Variants in NPAS3 observed in about 807,000 individuals in gnomAD.
NPAS3 encodes the protein neuronal PAS domain protein 3, also known as neuronal PAS domain-containing protein 3.
In NPAS3, 14 loss-of-function variants were observed where a neutral mutation model predicts 73.1. That is an observed-to-expected ratio of 0.19 (90% CI 0.13 to 0.30). The LOEUF is 0.30. Ranked by LOEUF, NPAS3 falls within the 10% of genes least tolerant of loss-of-function variation. NPAS3 has a pLI of 1.00. For missense variants in NPAS3, 1,096 were observed against 1,250.0 expected (o/e 0.88, Z 1.86); for synonymous variants, 620 against 541.5 (o/e 1.14, Z -2.01).
At chr14:33,187,716 A>G (rs958304347) in intron 2 of NPAS3, among the ~76,000 whole-genome samples, 1 of 152,126 alleles carries the variant, frequency 6.6e-6, no homozygotes, top group African/African-American at 2.4e-5. Flanking sequence ...AAGGGAAGGA[A>G]TGAATATTTT....
chr14:33,439,889 G>C (rs988654863), intron 4 of NPAS3, among the ~76,000 whole-genome samples: 2 of 152,170 alleles, frequency 1.3e-5, no homozygotes, highest in Admixed American at 6.5e-5. Flanking sequence ...GCCGAGGCGG[G>C]TGCATCACGA....
chr14:32,956,997 T>C (rs2139187593), intron 1 of NPAS3, among the ~76,000 whole-genome samples: 1 of 152,314 alleles, frequency 6.6e-6, no homozygotes, highest in East Asian at 1.9e-4. Context: ...CAAACCAATA[T>C]AACCATGAAT....
At chr14:33,274,870 A>C (rs2041257139) in intron 3 of NPAS3, among the ~76,000 whole-genome samples, 1 of 152,164 alleles carries the variant, frequency 6.6e-6, no homozygotes. Flanking sequence ...AAAGGGCTAC[A>C]TTTTTATATA....
intron 3 of NPAS3, among the ~76,000 whole-genome samples, chr14:33,263,541 A>C (rs1389943569): frequency 6.6e-6 from 1 of 152,172 alleles, no homozygotes; most frequent in Non-Finnish European, 1.5e-5. Context: ...TATAGTTTGA[A>C]GTCAGGTAGC....
chr14:32,977,797 G>A (rs990276124), intron 1 of NPAS3, among the ~76,000 whole-genome samples: 6 of 152,242 alleles, frequency 3.9e-5, no homozygotes, highest in African/African-American at 1.4e-4. Flanking sequence ...TAATATTTTA[G>A]TAGCCACATA....
intron 2 of NPAS3, among the ~76,000 whole-genome samples, chr14:33,143,818 AT>A (rs1170564276): frequency 2.6e-5 from 4 of 152,142 alleles, no homozygotes; most frequent in Non-Finnish European, 5.9e-5. Flanking sequence ...ATCATATAAT[AT>A]GTGGCCTTTT....
intron 7 of NPAS3, among the ~76,000 whole-genome samples, chr14:33,764,586 C>T (rs1271595536): frequency 6.6e-6 from 1 of 152,108 alleles, no homozygotes; most frequent in Non-Finnish European, 1.5e-5. Flanking sequence ...GGGACTAGTT[C>T]TGAGTCTTTT....
intron 4 of NPAS3, among the ~76,000 whole-genome samples, chr14:33,394,930 G>A (rs767482202): frequency 1.3e-5 from 2 of 152,064 alleles, no homozygotes; most frequent in Non-Finnish European, 2.9e-5. Flanking sequence ...GAGTGGAGGA[G>A]GAAAACAAAC....
intron 4 of NPAS3, among the ~76,000 whole-genome samples, chr14:33,545,410 C>A (rs536245176): frequency 6.6e-6 from 1 of 152,278 alleles, no homozygotes; most frequent in African/African-American, 2.4e-5. Context: ...TACGATGACA[C>A]TTTTACGTGT....
chr14:33,354,840 G>T (rs894363239), intron 3 of NPAS3, among the ~76,000 whole-genome samples: 15 of 152,054 alleles, frequency 9.9e-5, no homozygotes, highest in African/African-American at 3.6e-4. Flanking sequence ...CCCTCTCTAC[G>T]GTCTTACTTA....
At chr14:33,650,990 T>C (rs897354797) in intron 5 of NPAS3, among the ~76,000 whole-genome samples, 5 of 152,102 alleles carry the variant, frequency 3.3e-5, no homozygotes, top group Admixed American at 3.3e-4. Flanking sequence ...AAGGGAGGCT[T>C]GGCAAGAGAA....
chr14:33,058,842 G>C (rs1041209475), intron 2 of NPAS3, among the ~76,000 whole-genome samples: 2 of 152,176 alleles, frequency 1.3e-5, no homozygotes, highest in African/African-American at 4.8e-5. Flanking sequence ...GAGTTGAGTA[G>C]GTAAATGTAT....
intron 4 of NPAS3, among the ~76,000 whole-genome samples, chr14:33,443,558 C>A (rs900302036): frequency 6.6e-6 from 1 of 152,194 alleles, no homozygotes; most frequent in Non-Finnish European, 1.5e-5. Flanking sequence ...ACCCCCTCCA[C>A]ACACGCTAAG....
intron 5 of NPAS3, among the ~76,000 whole-genome samples, chr14:33,617,612 C>T (rs1190893855): frequency 6.6e-6 from 1 of 152,210 alleles, no homozygotes; most frequent in East Asian, 1.9e-4. Context: ...ACTCCTGTTC[C>T]TTCTCAAAAT....
chr14:33,658,124 G>A (rs1194887494), intron 5 of NPAS3, among the ~76,000 whole-genome samples: 3 of 152,312 alleles, frequency 2.0e-5, no homozygotes, highest in East Asian at 3.9e-4. Flanking sequence ...TAGAAATTGA[G>A]GGGAACTGTT....
intron 3 of NPAS3, among the ~76,000 whole-genome samples, chr14:33,349,254 A>T (rs2044903616): frequency 1.3e-5 from 2 of 152,194 alleles, no homozygotes; most frequent in South Asian, 4.1e-4. Flanking sequence ...TAGCCTATTT[A>T]TACTGTTAAA....
intron 2 of NPAS3, among the ~76,000 whole-genome samples, chr14:33,208,578 C>T (rs909731958): frequency 7.2e-5 from 11 of 152,136 alleles, no homozygotes; most frequent in African/African-American, 2.7e-4. Context: ...GATGTTGATA[C>T]TTTATCAAAT....
intron 2 of NPAS3, among the ~76,000 whole-genome samples, chr14:33,197,263 G>GTGTGTA (rs1223821235): frequency 6.7e-6 from 1 of 149,660 alleles, no homozygotes; most frequent in African/African-American, 2.5e-5. Flanking sequence ...GTGTGTGTGT[G>GTGTGTA]TGTGTTCTTT....
chr14:33,484,358 T>C (rs1485667997), intron 4 of NPAS3, among the ~76,000 whole-genome samples: 1 of 152,184 alleles, frequency 6.6e-6, no homozygotes, highest in Admixed American at 6.5e-5. Flanking sequence ...GAGCATTAAG[T>C]TGATCTATAT....
Sources: allele counts gnomAD v4.1 joint callset (sites outside exome capture counted in the v4.1 genomes callset), GRCh38; gene constraint gnomAD v4.1.1; transcripts MANE v1.5; gene names NCBI Gene and HGNC (gene_info 2026-07-23, HGNC 2026-07-21).